FHIT: variants seen among roughly 807,000 people sequenced by gnomAD.
The protein encoded by FHIT is bis(5'-adenosyl)-triphosphatase.
FHIT carries 19 observed loss-of-function variants against 17.9 expected under a neutral mutation model. That is an observed-to-expected ratio of 1.06 (90% CI 0.74 to 1.56). FHIT has a LOEUF of 1.56. Among genes scored for constraint, FHIT ranks in the 40% most tolerant of loss-of-function variants. The probability of loss-of-function intolerance (pLI) is 0.00; values close to 1 mark genes in which losing one functional copy is unlikely to be tolerated. For missense variants in FHIT, 248 were observed against 189.2 expected, an observed-to-expected ratio of 1.31 and a Z score of -1.82; for synonymous variants, 81 against 69.7, an observed-to-expected ratio of 1.16 and a Z score of -0.81.
rs1700683439 is a variant in FHIT, at chr3:59,747,699, A to G, written c.*1886T>C. ...ACAGACTGTCGGCAAGCAAAATGTC[A>G]GAGGCAAGCACTGAGATTTGACCCA... On this transcript the variant is annotated 3_prime_UTR_variant, in exon 10 of 10. Transcript: ENST00000492590. 6.6e-6 allele frequency among the ~76,000 whole-genome samples: 1 copy of G among 152,082 alleles called. No individual in the cohort carries two copies. The highest frequency in any genetic ancestry group is 1.5e-5 in the Non-Finnish European group (1 of 67,984).
At chr3:60,926,479 A>G (rs1553769952) in intron 3 of FHIT, among the ~76,000 whole-genome samples, 1 of 152,206 alleles carries the variant, frequency 6.6e-6, no homozygotes, top group East Asian at 1.9e-4. Context: ...CGAAATGAAG[A>G]CAGAAATAAA....
chr3:61,109,366 C>T (rs2036085996), intron 2 of FHIT, among the ~76,000 whole-genome samples: 1 of 152,106 alleles, frequency 6.6e-6, no homozygotes, highest in Non-Finnish European at 1.5e-5. Context: ...ACATCTGAGC[C>T]CCTGGCCTGT....
At chr3:60,174,542 G>A (rs564065196) in intron 5 of FHIT, among the ~76,000 whole-genome samples, 1 of 151,856 alleles carries the variant, frequency 6.6e-6, no homozygotes, top group Non-Finnish European at 1.5e-5. Context: ...TTACAAAACA[G>A]AAGTTCAGAG....
chr3:60,776,958 T>A (rs1333992415), intron 4 of FHIT, among the ~76,000 whole-genome samples: 1 of 152,110 alleles, frequency 6.6e-6, no homozygotes, highest in Non-Finnish European at 1.5e-5. Flanking sequence ...CAACCAAGGG[T>A]ATTATATGGT....
chr3:61,020,416 C>A (rs2032352222), intron 3 of FHIT, among the ~76,000 whole-genome samples: 1 of 151,924 alleles, frequency 6.6e-6, no homozygotes, highest in African/African-American at 2.4e-5. Context: ...TTTTTAAGGT[C>A]TTTGTAGATT....
At chr3:60,649,192 T>A (rs2039934322) in intron 4 of FHIT, among the ~76,000 whole-genome samples, 1 of 152,056 alleles carries the variant, frequency 6.6e-6, no homozygotes, top group East Asian at 1.9e-4. Context: ...GGTCAGGAGA[T>A]CGAGACCATT....
chr3:59,898,723 C>G (rs916744190), intron 8 of FHIT, among the ~76,000 whole-genome samples: 1 of 151,896 alleles, frequency 6.6e-6, no homozygotes. Flanking sequence ...TGTGACCTTA[C>G]AACACCAGAC....
chr3:60,205,074 T>TGAC (rs577378183), intron 5 of FHIT, among the ~76,000 whole-genome samples: 2 of 149,416 alleles, frequency 1.3e-5, no homozygotes, highest in South Asian at 4.2e-4. Flanking sequence ...CCAGCTTGGG[T>TGAC]GACAATGAGA....
At chr3:60,505,599 T>C (rs1351546771) in intron 5 of FHIT, among the ~76,000 whole-genome samples, 1 of 152,226 alleles carries the variant, frequency 6.6e-6, no homozygotes, top group Non-Finnish European at 1.5e-5. Context: ...CTGGAGGAGA[T>C]CATCCTCCAA....
At chr3:59,919,856 G>C (rs749854957) in intron 8 of FHIT, among the ~76,000 whole-genome samples, 19 of 152,142 alleles carry the variant, frequency 1.2e-4, no homozygotes, top group Non-Finnish European at 2.4e-4. Context: ...AAGATCATTT[G>C]GTCTAATGTA....
intron 3 of FHIT, among the ~76,000 whole-genome samples, chr3:60,916,598 G>C (rs56259187): frequency 0.045 from 6,915 of 152,286 alleles, 207 homozygotes; most frequent in South Asian, 0.09. Context: ...ACTGGTCAGA[G>C]AGACCTTTAA....
intron 8 of FHIT, among the ~76,000 whole-genome samples, chr3:59,901,963 G>A (rs1021937804): frequency 6.6e-6 from 1 of 152,142 alleles, no homozygotes; most frequent in Non-Finnish European, 1.5e-5. Flanking sequence ...GCAATAAAAA[G>A]AAGTTTGTGA....
At chr3:60,345,009 T>A (rs1710706376) in intron 5 of FHIT, among the ~76,000 whole-genome samples, 1 of 152,240 alleles carries the variant, frequency 6.6e-6, no homozygotes, top group Admixed American at 6.5e-5. Flanking sequence ...TTTCCCTTTG[T>A]ATAAACACTA....
chr3:60,067,402 C>A (rs1198039364), intron 5 of FHIT, among the ~76,000 whole-genome samples: 3 of 152,134 alleles, frequency 2.0e-5, no homozygotes, highest in Non-Finnish European at 2.9e-5. Flanking sequence ...GAATATATAT[C>A]CTTTCCCCTA....
intron 7 of FHIT, among the ~76,000 whole-genome samples, chr3:59,958,232 T>G (rs1045886505): frequency 6.6e-6 from 1 of 152,220 alleles, no homozygotes; most frequent in African/African-American, 2.4e-5. Flanking sequence ...ATCTTTTCTG[T>G]GGCAGTCCCC....
chr3:60,958,543 A>C (rs1709275569), intron 3 of FHIT, among the ~76,000 whole-genome samples: 1 of 152,238 alleles, frequency 6.6e-6, no homozygotes, highest in African/African-American at 2.4e-5. Context: ...AACTGGACTC[A>C]AGTTTGACCA....
intron 5 of FHIT, among the ~76,000 whole-genome samples, chr3:60,413,119 T>A (rs1702122821): frequency 6.6e-6 from 1 of 152,222 alleles, no homozygotes; most frequent in South Asian, 2.1e-4. Flanking sequence ...ATGTTGTTGA[T>A]GTTGACAGAA....
At chr3:59,978,874 C>T (rs1708528183) in intron 7 of FHIT, among the ~76,000 whole-genome samples, 1 of 151,736 alleles carries the variant, frequency 6.6e-6, no homozygotes, top group East Asian at 2.0e-4. Context: ...AACCAGTACA[C>T]CAGGTTACTG....
chr3:60,671,507 G>A (rs1484723036), intron 4 of FHIT, among the ~76,000 whole-genome samples: 2 of 152,056 alleles, frequency 1.3e-5, no homozygotes, highest in East Asian at 1.9e-4. Flanking sequence ...GACACCAAGC[G>A]GTGGTTACAC....
Sources: gnomAD v4.1 joint callset for allele counts (sites outside exome capture counted in the v4.1 genomes callset) on GRCh38, gnomAD v4.1.1 for gene constraint, MANE v1.5 for transcripts, NCBI Gene and HGNC (gene_info 2026-07-23, HGNC 2026-07-21) for gene names.